Variants in USP10 observed in about 807,000 individuals in gnomAD.
USP10 encodes ubiquitin specific peptidase 10, also known as ubiquitin carboxyl-terminal hydrolase 10.
Under a neutral mutation model 84.5 loss-of-function variants are expected in USP10, and 22 were observed. The observed-to-expected ratio is 0.26, with a 90% CI of 0.19 to 0.37. The LOEUF is 0.37. Among genes scored for constraint, USP10 ranks in the 10% least tolerant of loss-of-function variants. USP10 has a pLI of 1.00. For synonymous variants in USP10, 454 were observed against 387.6 expected (o/e 1.17, Z -2.01); for missense variants, 1,019 against 998.9 (o/e 1.02, Z -0.27).
intron 11 of USP10, among the ~76,000 whole-genome samples, chr16:84,770,402 AAGGT>A (rs1292665851): frequency 6.6e-6 from 1 of 152,116 alleles, no homozygotes; most frequent in Non-Finnish European, 1.5e-5. Flanking sequence ...GGAACATGTG[AAGGT>A]TTTGGGGAAA....
In USP10 at chr16:84,779,436, T is replaced by C. The variant is rs1915348170; in HGVS notation, c.*354T>C. On this transcript the variant is annotated 3_prime_UTR_variant, in exon 14 of 14. Transcript: ENST00000219473. ...ACCAGCAACAACACTTGTAAATTTG[T>C]GAAAATGAATTTTATCTTTCCTTAA... 1 of 167,418 alleles carries C rather than the reference T, an allele frequency of 6.0e-6. No individual in the cohort carries two copies. The highest frequency in any genetic ancestry group is 2.0e-4 in the South Asian group (1 of 5,036). 10.4% of individuals were successfully genotyped at this position (167,418 alleles called of 1,614,324 possible).
At chr16:84,778,118 T>TGTGTGTGTGTGTGTGTGTG (rs1491384504) in intron 13 of USP10, among the ~76,000 whole-genome samples, 4 of 151,796 alleles carry the variant, frequency 2.6e-5, no homozygotes, top group African/African-American at 2.4e-5. Context: ...TGTGTGTGTG[T>TGTGTGTGTGTGTGTGTGTG]TTTGTTCTGT....
chr16:84,708,510 A>C (rs902105015), intron 1 of USP10, among the ~76,000 whole-genome samples: 4 of 152,234 alleles, frequency 2.6e-5, no homozygotes, highest in African/African-American at 9.6e-5. Flanking sequence ...TTGCCTTTGC[A>C]CTAGATTTAT....
At chr16:84,735,196 GGTGTGT>G (rs34240400) in intron 2 of USP10, among the ~76,000 whole-genome samples, 9,276 of 146,316 alleles carry the variant, frequency 0.063, 339 homozygotes, top group Non-Finnish European at 0.083. Context: ...AGGCCCGGGT[GGTGTGT>G]GTGTGTGTGT....
chr16:84,719,548 T>A (rs563278563), intron 1 of USP10, among the ~76,000 whole-genome samples: 3 of 152,230 alleles, frequency 2.0e-5, no homozygotes, highest in African/African-American at 7.2e-5. Context: ...ACTGTTGTCT[T>A]AGGCCTTTGT....
intron 1 of USP10, among the ~76,000 whole-genome samples, chr16:84,726,913 C>T (rs192925934): frequency 2.0e-5 from 3 of 152,338 alleles, no homozygotes; most frequent in Non-Finnish European, 4.4e-5. Flanking sequence ...TTTCTGATAC[C>T]TCCTTTTGAC....
chr16:84,706,867 C>G (rs912512832), intron 1 of USP10, among the ~76,000 whole-genome samples: 1 of 151,992 alleles, frequency 6.6e-6, no homozygotes, highest in Non-Finnish European at 1.5e-5. Flanking sequence ...TATTCAAGAC[C>G]TGAAGTAGGC....
intron 1 of USP10, chr16:84,733,126 T>G (rs1909455925): frequency 2.0e-6 from 1 of 488,460 alleles, no homozygotes; most frequent in Non-Finnish European, 4.0e-6. Context: ...CAACTGGCAG[T>G]ATTTGTGAAC....
intron 11 of USP10, among the ~76,000 whole-genome samples, chr16:84,768,628 AATG>A (rs1914110567): frequency 6.6e-6 from 1 of 152,132 alleles, no homozygotes; most frequent in Admixed American, 6.5e-5. Flanking sequence ...CTGGCAATCT[AATG>A]ATGATATCAC....
chr16:84,753,966 G>C (rs1268234245), intron 4 of USP10, among the ~76,000 whole-genome samples: 1 of 152,200 alleles, frequency 6.6e-6, no homozygotes. Flanking sequence ...AGAAAGCAAG[G>C]AGGGGAGGCC....
At chr16:84,703,312 T>A (rs2150750143) in intron 1 of USP10, among the ~76,000 whole-genome samples, 1 of 152,364 alleles carries the variant, frequency 6.6e-6, no homozygotes, top group Middle Eastern at 3.4e-3. Flanking sequence ...TTGTGATTAT[T>A]GATGTCATTT....
intron 1 of USP10, among the ~76,000 whole-genome samples, chr16:84,701,251 T>TA (rs1904823437): frequency 6.6e-6 from 1 of 152,208 alleles, no homozygotes; most frequent in African/African-American, 2.4e-5. Flanking sequence ...GAAAACTTTT[T>TA]AAAAAATTAG....
At chr16:84,746,452 C>G (rs958946303) in intron 4 of USP10, among the ~76,000 whole-genome samples, 24 of 152,318 alleles carry the variant, frequency 1.6e-4, no homozygotes, top group African/African-American at 5.8e-4. Context: ...GGTGGTGCAG[C>G]CTATTACTCC....
intron 13 of USP10, among the ~76,000 whole-genome samples, chr16:84,777,525 C>A (rs1000319820): frequency 1.3e-5 from 2 of 152,162 alleles, no homozygotes; most frequent in African/African-American, 4.8e-5. Context: ...GAAGCTATGC[C>A]CTTGGATTGG....
chr16:84,769,293 G>A (rs1313595063), intron 11 of USP10, among the ~76,000 whole-genome samples: 2 of 152,208 alleles, frequency 1.3e-5, no homozygotes, highest in Non-Finnish European at 2.9e-5. Flanking sequence ...AAAGAGCAAA[G>A]TAGGACATAG....
chr16:84,769,229 A>G (rs1914176390), intron 11 of USP10, among the ~76,000 whole-genome samples: 1 of 152,232 alleles, frequency 6.6e-6, no homozygotes, highest in African/African-American at 2.4e-5. Context: ...CTGTCATCAC[A>G]TTGCATGACT....
intron 1 of USP10, among the ~76,000 whole-genome samples, chr16:84,713,335 A>G (rs1186380353): frequency 6.6e-6 from 1 of 151,812 alleles, no homozygotes; most frequent in Non-Finnish European, 1.5e-5. Flanking sequence ...ACTTTCAGTG[A>G]GTCTCTGTGC....
chr16:84,725,846 A>G (rs1467468867), intron 1 of USP10, among the ~76,000 whole-genome samples: 8 of 152,340 alleles, frequency 5.3e-5, no homozygotes, highest in Non-Finnish European at 1.2e-4. Flanking sequence ...ATCATGCCAA[A>G]CAGTCTATTG....
chr16:84,745,787 A>G (rs766045515), intron 4 of USP10, 114 bp downstream of exon 4: 1 of 1,109,442 alleles, frequency 9.0e-7, no homozygotes, highest in Non-Finnish European at 1.3e-6. Flanking sequence ...TGTTAATAGC[A>G]ACGTCTGAAG....
Sources: gnomAD v4.1 joint callset for allele counts (sites outside exome capture counted in the v4.1 genomes callset) on GRCh38, gnomAD v4.1.1 for gene constraint, MANE v1.5 for transcripts, NCBI Gene and HGNC (gene_info 2026-07-23, HGNC 2026-07-21) for gene names.